Variants in ACTN4 observed in about 807,000 individuals in gnomAD.
ACTN4 encodes the protein alpha-actinin-4.
ACTN4 carries 18 observed loss-of-function variants against 114.2 expected under a neutral mutation model. The observed-to-expected ratio is 0.16, with a 90% CI of 0.11 to 0.23. ACTN4 has a LOEUF of 0.23. Ranked by LOEUF, ACTN4 falls within the 10% of genes least tolerant of loss-of-function variation. The pLI, the probability that ACTN4 is intolerant of heterozygous loss-of-function variation, is 1.00. For synonymous variants in ACTN4, 515 were observed against 506.3 expected, an observed-to-expected ratio of 1.02 and a Z score of -0.23; for missense variants, 722 against 1,262.9, an observed-to-expected ratio of 0.57 and a Z score of 6.49.
At chr19:38,723,881 C>T (rs1427236463) in intron 13 of ACTN4, 56 bp from the exon 14 acceptor site, 1 of 1,594,200 alleles carries the variant, frequency 6.3e-7, no homozygotes, top group South Asian at 1.1e-5. Flanking sequence ...ACCCCTCCTG[C>T]TCACATACTG....
At chr19:38,689,844 T>C (rs1249291307) in intron 1 of ACTN4, among the ~76,000 whole-genome samples, 1 of 152,162 alleles carries the variant, frequency 6.6e-6, no homozygotes, top group Non-Finnish European at 1.5e-5. Flanking sequence ...CGGCTACTTT[T>C]TGTATTATTA....
At chr19:38,692,013 G>A (rs1259492450) in intron 1 of ACTN4, among the ~76,000 whole-genome samples, 1 of 152,142 alleles carries the variant, frequency 6.6e-6, no homozygotes, top group African/African-American at 2.4e-5. Context: ...AGGGGGCCGG[G>A]TGCAAAGAGC....
chr19:38,697,947 G>T (rs1968146962), intron 1 of ACTN4, among the ~76,000 whole-genome samples: 2 of 152,252 alleles, frequency 1.3e-5, no homozygotes, highest in Non-Finnish European at 2.9e-5. Flanking sequence ...GGCTGGCAGT[G>T]CTCTGGGGCT....
At chr19:38,683,051 T>C (rs1451309626) in intron 1 of ACTN4, among the ~76,000 whole-genome samples, 2 of 152,188 alleles carry the variant, frequency 1.3e-5, no homozygotes, top group East Asian at 1.9e-4. Flanking sequence ...CTCAGGATAG[T>C]GTATGGCTCG....
intron 1 of ACTN4, among the ~76,000 whole-genome samples, chr19:38,688,220 C>A (rs1331659683): frequency 6.6e-6 from 1 of 151,828 alleles, no homozygotes; most frequent in Non-Finnish European, 1.5e-5. Context: ...CCAGCCTGGG[C>A]ATCATAGTGA....
chr19:38,666,898 T>C (rs1027469922), intron 1 of ACTN4, among the ~76,000 whole-genome samples: 3 of 152,018 alleles, frequency 2.0e-5, no homozygotes, highest in Non-Finnish European at 4.4e-5. Flanking sequence ...CCACTTTGTT[T>C]TGGAAGGTCA....
intron 1 of ACTN4, among the ~76,000 whole-genome samples, chr19:38,653,509 A>G (rs1197610933): frequency 1.3e-5 from 2 of 151,706 alleles, no homozygotes; most frequent in Non-Finnish European, 2.9e-5. Context: ...TGTTTGCTCT[A>G]GTATCACTTG....
At chr19:38,682,130 C>G (rs1366223772) in intron 1 of ACTN4, among the ~76,000 whole-genome samples, 1 of 152,188 alleles carries the variant, frequency 6.6e-6, no homozygotes, top group Non-Finnish European at 1.5e-5. Context: ...CGCTCCTGGC[C>G]TGGAGGATTT....
At chr19:38,691,786 C>T (rs1967939269) in intron 1 of ACTN4, among the ~76,000 whole-genome samples, 1 of 152,086 alleles carries the variant, frequency 6.6e-6, no homozygotes, top group South Asian at 2.1e-4. Context: ...GCCTGTAATG[C>T]CAGCTACTCG....
chr19:38,717,128 C>T lies in ACTN4; in HGVS notation c.955C>T (p.Arg319Cys). ...GCGCACCATCCCCTGGCTGGAGGAC[C>T]GTGTGCCCCAAAAGACTATCCAGGA... ...IRRTIPWLEDRVPQKTIQEMQ... is the reference protein window; with the variant it reads ...IRRTIPWLEDCVPQKTIQEMQ... The change falls in exon 10 of 21, where the codon CGT becomes TGT. Residue 319 changes from arginine to cysteine, a missense_variant. This residue lies in a region of ACTN4 where 523 missense variants were observed against 875.9 expected (regional missense o/e 0.60). Coordinates refer to ENST00000252699, the MANE Select transcript of ACTN4 (RefSeq NM_004924.6). The surrounding 1 kb of genome is among the most constrained non-coding windows in gnomAD (Gnocchi z 4.0). The T allele has an allele frequency of 1.9e-6, 3 of 1,614,148 alleles. No individual in the cohort carries two copies. Among genetic ancestry groups the T allele is most frequent in the Non-Finnish European group, 2.5e-6 (3 of 1,180,030 alleles).
At chr19:38,673,412 T>C (rs868789317) in intron 1 of ACTN4, among the ~76,000 whole-genome samples, 3 of 141,954 alleles carry the variant, frequency 2.1e-5, no homozygotes, top group Admixed American at 7.5e-5. Context: ...AAGACATACA[T>C]AGAGTGTTCC....
At chr19:38,661,489 C>T (rs114765266) in intron 1 of ACTN4, among the ~76,000 whole-genome samples, 2,145 of 152,252 alleles carry the variant, frequency 0.014, 58 homozygotes, top group African/African-American at 0.047. Context: ...CAAGTTCCAG[C>T]CTCCTTTGGT....
chr19:38,706,298 T>A (rs138744742), intron 5 of ACTN4, among the ~76,000 whole-genome samples, 167 bp downstream of exon 5: 1 of 152,260 alleles, frequency 6.6e-6, no homozygotes, highest in East Asian at 1.9e-4. Context: ...CACCTGGTCC[T>A]CTCTGAGGAA....
chr19:38,726,109 A>G (rs1483330668), intron 17 of ACTN4, among the ~76,000 whole-genome samples: 2 of 152,142 alleles, frequency 1.3e-5, no homozygotes, highest in Non-Finnish European at 2.9e-5. Context: ...GCAACATAGC[A>G]AGACCCTGTC....
At chr19:38,672,238 C>CTTTT (rs35567918) in intron 1 of ACTN4, among the ~76,000 whole-genome samples, 32 of 113,690 alleles carry the variant, frequency 2.8e-4, no homozygotes, top group Non-Finnish European at 3.8e-4. Flanking sequence ...ACATGTGGTT[C>CTTTT]TTTTTTTTTT....
chr19:38,696,607 G>A (rs1294462856), intron 1 of ACTN4, among the ~76,000 whole-genome samples: 1 of 152,204 alleles, frequency 6.6e-6, no homozygotes, highest in Non-Finnish European at 1.5e-5. Context: ...GGCCGTCATG[G>A]TCGACCTGTT....
chr19:38,689,247 G>T (rs1315521723), intron 1 of ACTN4, among the ~76,000 whole-genome samples: 1 of 152,182 alleles, frequency 6.6e-6, no homozygotes, highest in Non-Finnish European at 1.5e-5. Flanking sequence ...TATTCAGACA[G>T]GAACGAAGTA....
intron 1 of ACTN4, among the ~76,000 whole-genome samples, chr19:38,661,072 CAG>C (rs1360191068): frequency 6.6e-6 from 1 of 152,166 alleles, no homozygotes; most frequent in East Asian, 1.9e-4. Context: ...CCCGAGTGGT[CAG>C]AGCGGAGCCC....
chr19:38,681,124 C>A (rs553991901), intron 1 of ACTN4, among the ~76,000 whole-genome samples: 64 of 91,396 alleles, frequency 7.0e-4, no homozygotes, highest in African/African-American at 2.5e-3. Context: ...AGACTCCAAT[C>A]TCTAGAAAAA....
Sources: allele counts gnomAD v4.1 joint callset (sites outside exome capture counted in the v4.1 genomes callset), GRCh38; gene constraint gnomAD v4.1.1; regional missense constraint gnomAD v4.1.1; non-coding constraint Gnocchi (gnomAD v3.1); transcripts MANE v1.5; gene names NCBI Gene and HGNC (gene_info 2026-07-23, HGNC 2026-07-21).